HNRNPK: variants seen among roughly 807,000 people sequenced by gnomAD.
HNRNPK encodes the protein heterogeneous nuclear ribonucleoprotein K, also known as dC-stretch binding protein.
Under a neutral mutation model 67.0 loss-of-function variants are expected in HNRNPK, and 7 were observed. That is an observed-to-expected ratio of 0.10 (90% confidence interval 0.06 to 0.20). The LOEUF is 0.20. Among genes scored for constraint, HNRNPK ranks in the 10% least tolerant of loss-of-function variants. The pLI, the probability that HNRNPK is intolerant of heterozygous loss-of-function variation, is 1.00. For missense variants in HNRNPK, 264 were observed against 606.5 expected (o/e 0.44, Z 5.93); for synonymous variants, 213 against 193.7 (o/e 1.10, Z -0.83).
chr9:83,968,255 C>T lies in HNRNPK; in HGVS notation c.*1152G>A, dbSNP rs1956667227. On this transcript the variant is annotated 3_prime_UTR_variant, in exon 17 of 17. Transcript: ENST00000376263. Reference sequence around the variant, plus strand: ...AATGCCAAGATACTACACAAAACATCCACAGGAACTTTTTTCATCTTTTTT... The same window carrying T: ...AATGCCAAGATACTACACAAAACATTCACAGGAACTTTTTTCATCTTTTTT... 6.6e-6 allele frequency: 1 copy of T among 152,288 alleles called. No homozygotes were observed. The highest frequency in any genetic ancestry group is 2.4e-5 in the African/African-American group (1 of 41,362). 9.4% of individuals were successfully genotyped at this position (152,288 alleles called of 1,614,324 possible).
intron 1 of HNRNPK, among the ~76,000 whole-genome samples, chr9:83,979,764 C>T (rs950706414): frequency 6.6e-5 from 10 of 151,898 alleles, no homozygotes; most frequent in Non-Finnish European, 1.3e-4. Context: ...ATCGAGGCAG[C>T]CCTGACCGTT....
Position 83,971,738 on chromosome 9 carries a change from G to A in HNRNPK, c.954-12C>T. 1 of 1,612,646 alleles carries A rather than the reference G, an allele frequency of 6.2e-7. No individual in the cohort carries two copies. The highest frequency in any genetic ancestry group is 8.5e-7 in the Non-Finnish European group (1 of 1,178,670). ...AGGCCATGAGGTCTCTGCAAGCATA[G>A]TACTTGTTGTAATCTAAACGTGCTT... On this transcript the variant is annotated splice_polypyrimidine_tract_variant and intron_variant, in intron 11 of 16. Transcript: ENST00000376263.
intron 10 of HNRNPK, 155 bp from the exon 11 acceptor site, chr9:83,972,344 C>A: frequency 1.7e-6 from 1 of 602,652 alleles, no homozygotes. Context: ...CTAAAAGTAG[C>A]AAAGTAAAGA....
At chr9:83,977,157 G>A (rs577463986) in intron 4 of HNRNPK, 106 bp from the exon 5 acceptor site, 2 of 748,530 alleles carry the variant, frequency 2.7e-6, no homozygotes, top group East Asian at 2.7e-5. Context: ...TTTGTTATAA[G>A]AATAAAAATC....
At chr9:83,978,121 G>A in intron 3 of HNRNPK, 74 bp downstream of exon 3, 2 of 948,356 alleles carry the variant, frequency 2.1e-6, no homozygotes, top group Admixed American at 1.8e-5. Flanking sequence ...ACACTCCTAA[G>A]GCAATAATTA....
At position 83,968,560 on chromosome 9, in the gene HNRNPK, AC is replaced by A. The variant is rs1956682173; in HGVS notation, c.*846del. 1 of 152,586 alleles carries A rather than the reference AC, an allele frequency of 6.6e-6. No individual in the cohort carries two copies. The highest frequency in any genetic ancestry group is 2.4e-5 in the African/African-American group (1 of 41,450). 9.5% of individuals were successfully genotyped at this position (152,586 alleles called of 1,614,324 possible). On this transcript the variant is annotated 3_prime_UTR_variant, in exon 17 of 17. Transcript: ENST00000376263. ...AATCAGAATTCTGGTATATACTCATACCATTACTCAACTTGTAGTACTGCTC... is the reference window on the plus strand; with the variant it reads ...AATCAGAATTCTGGTATATACTCATACATTACTCAACTTGTAGTACTGCTC...
chr9:83,980,362 TC>T (rs1588448649), upstream of HNRNPK: 1 of 152,342 alleles, frequency 6.6e-6, no homozygotes. Context: ...CAACCCCGCC[TC>T]CCGCCAGCGC....
rs371066280 is a variant in HNRNPK, at chr9:83,971,628, A to AC, written c.1008+43dup. The AC allele has an allele frequency of 1.2e-3, 1,703 of 1,466,496 alleles. 13 individuals are homozygous for AC. The highest frequency in any genetic ancestry group is 7.7e-3 in the African/African-American group (551 of 71,984). The allele number at this position is 1,466,496 out of a possible 1,614,324, so 90.8% of individuals were successfully genotyped here. ...ACAAAACGTGAACTACATTGTGACA[A>AC]CCCTCACATACCCAACACACTGGTA... is the stretch of plus-strand genomic sequence containing the variant. On this transcript the variant is annotated intron_variant, in intron 12 of 16. Transcript: ENST00000376263.
rs537690323 is a variant in HNRNPK at position 83,976,865 on chromosome 9, G to GT, written c.213+129dup. 12 of 574,442 alleles carry GT rather than the reference G, an allele frequency of 2.1e-5. No individual in the cohort carries two copies. The East Asian group carries it at 3.5e-4, about 17-fold the overall frequency. The allele number at this position is 574,442 out of a possible 1,614,324, so 35.6% of individuals were successfully genotyped here. A position where few individuals can be genotyped will look rare whatever the true frequency, so the allele number is the denominator to read the frequency against. ...AATGGATAACTTCGAAATCAATTCT[G>GT]TAATAATAAATTATTACAAATGTCT... On this transcript the variant is annotated intron_variant, in intron 5 of 16. Coordinates refer to ENST00000376263, the MANE Select transcript of HNRNPK (RefSeq NM_031263.4).
Position 83,969,157 on chromosome 9 carries a change from C to T in HNRNPK, c.*250G>A. 1.9e-6 allele frequency: 1 copy of T among 519,928 alleles called. No individual in the cohort carries two copies. Among genetic ancestry groups the T allele is most frequent in the Non-Finnish European group, 3.4e-6 (1 of 291,094 alleles). The allele number at this position is 519,928 out of a possible 1,614,324, so 32.2% of individuals were successfully genotyped here. The stretch of plus-strand genomic sequence containing the variant: ...TCACTCTGCTGCTGTTTCAAAATTT[C>T]AATGTTAGTTTTTGCACGCCCTTCC... On this transcript the variant is annotated 3_prime_UTR_variant, in exon 17 of 17. Coordinates refer to ENST00000376263, the MANE Select transcript of HNRNPK (RefSeq NM_031263.4).
intron 6 of HNRNPK, among the ~76,000 whole-genome samples, chr9:83,975,024 T>C (rs1031073569): frequency 2.6e-5 from 4 of 152,144 alleles, no homozygotes; most frequent in African/African-American, 4.8e-5. Context: ...AGTTAGAAAT[T>C]AGATCACTAA....
intron 13 of HNRNPK, 21 bp downstream of exon 13, chr9:83,971,252 C>T (rs374077608): frequency 2.2e-5 from 33 of 1,498,580 alleles, no homozygotes; most frequent in African/African-American, 1.2e-4. Context: ...GATATACACA[C>T]GAACAACTAT....
chr9:83,976,031 C>A (rs1464180942), intron 5 of HNRNPK, among the ~76,000 whole-genome samples: 1 of 152,112 alleles, frequency 6.6e-6, no homozygotes, highest in Non-Finnish European at 1.5e-5. Context: ...TACAGAACAT[C>A]TGGATTAAGA....
intron 6 of HNRNPK, 119 bp downstream of exon 6, chr9:83,975,343 A>G (rs1483716452): frequency 2.1e-6 from 2 of 935,466 alleles, no homozygotes; most frequent in Admixed American, 2.2e-5. Flanking sequence ...AATAAGACAG[A>G]AACTTGAAAA....
Position 83,973,927 on chromosome 9 carries a change from T to C in HNRNPK, c.377A>G (p.Glu126Gly). 2 of 1,613,948 alleles carry C rather than the reference T, an allele frequency of 1.2e-6. No individual in the cohort carries two copies. Among genetic ancestry groups the C allele is most frequent in the Non-Finnish European group, 1.7e-6 (2 of 1,179,882 alleles). ...SPTATSQLPL[E>G]SDAVECLNYQ... ...ATTTAAGCATTCCACAGCATCAGAT[T>C]CGAGCGGGAGCTGGCTGGTTGCAGT... Residue 126 changes from glutamate to glycine, a missense_variant, in exon 8 of 17, where the codon GAA becomes GGA. Around this residue, in one of 6 missense-constraint regions of HNRNPK, gnomAD observed 39 missense variants for 54.4 expected, o/e 0.72. Coordinates refer to ENST00000376263, the MANE Select transcript of HNRNPK (RefSeq NM_031263.4).
chr9:83,979,561 G>C (rs531589023), intron 1 of HNRNPK, among the ~76,000 whole-genome samples: 5 of 152,098 alleles, frequency 3.3e-5, no homozygotes, highest in Non-Finnish European at 7.4e-5. Flanking sequence ...CCGGGTAACA[G>C]GACGGGAAAA....
At chr9:83,978,072 C>G in intron 3 of HNRNPK, 123 bp downstream of exon 3, 1 of 666,534 alleles carries the variant, frequency 1.5e-6, no homozygotes, top group East Asian at 2.7e-5. Context: ...TACTGATAAT[C>G]GCAGAATTAC....
At chr9:83,971,548 G>A in intron 12 of HNRNPK, 124 bp downstream of exon 12, 2 of 862,246 alleles carry the variant, frequency 2.3e-6, no homozygotes, top group East Asian at 2.4e-5. Context: ...TATTTAACTA[G>A]TAATCCAAAC....
At chr9:83,971,050 T>TC (rs1405198412) in intron 13 of HNRNPK, 138 bp from the exon 14 acceptor site, 2 of 847,834 alleles carry the variant, frequency 2.4e-6, no homozygotes, top group Non-Finnish European at 3.8e-6. Flanking sequence ...CAAGTGATCC[T>TC]CCTGCCTCAG....
Sources: gnomAD v4.1 joint callset for allele counts (sites outside exome capture counted in the v4.1 genomes callset) on GRCh38, gnomAD v4.1.1 for gene constraint, gnomAD v4.1.1 regional missense constraint, MANE v1.5 for transcripts, NCBI Gene and HGNC (gene_info 2026-07-23, HGNC 2026-07-21) for gene names.